GPR39: variants seen among roughly 807,000 people sequenced by gnomAD.
The protein encoded by GPR39 is zinc sensing receptor.
A neutral mutation model predicts 18.4 loss-of-function variants in GPR39; 23 were observed. That is an observed-to-expected ratio of 1.25 (90% CI 0.90 to 1.77). The LOEUF (loss-of-function observed/expected upper bound fraction) is 1.77. Among genes scored for constraint, GPR39 ranks in the 40% most tolerant of loss-of-function variants. The pLI, the probability that GPR39 is intolerant of heterozygous loss-of-function variation, is 0.00. For missense variants in GPR39, 647 were observed against 602.4 expected, an observed-to-expected ratio of 1.07 and a Z score of -0.78; for synonymous variants, 280 against 257.9, an observed-to-expected ratio of 1.09 and a Z score of -0.82.
intron 1 of GPR39, among the ~76,000 whole-genome samples, chr2:132,475,149 C>T (rs545651310): frequency 4.8e-4 from 73 of 152,202 alleles, no homozygotes; most frequent in African/African-American, 1.7e-3. Context: ...CTAATTGAAT[C>T]CCAAGTCTCA....
Position 132,645,724 on chromosome 2 carries a change from T to C in GPR39, c.*118T>C. On this transcript the variant is annotated 3_prime_UTR_variant, in exon 2 of 2. Transcript: ENST00000329321. ...GGGATGGAATGGACACTGGAGGCTT[T>C]ACAAAAGGCAGATGCCCACCTCAGT... is the stretch of plus-strand genomic sequence containing the variant. 7.2e-7 allele frequency: 1 copy of C among 1,389,500 alleles called. No individual in the cohort carries two copies. Among genetic ancestry groups the C allele is most frequent in the Non-Finnish European group, 9.7e-7 (1 of 1,035,922 alleles). The allele number at this position is 1,389,500 out of a possible 1,614,324, so 86.1% of individuals were successfully genotyped here.
At chr2:132,530,753 A>G (rs1679604066) in intron 1 of GPR39, among the ~76,000 whole-genome samples, 1 of 152,206 alleles carries the variant, frequency 6.6e-6, no homozygotes, top group African/African-American at 2.4e-5. Flanking sequence ...CAGCCAAACT[A>G]AGCTTCATAA....
chr2:132,513,153 A>G (rs1679269668), intron 1 of GPR39, among the ~76,000 whole-genome samples: 1 of 152,196 alleles, frequency 6.6e-6, no homozygotes, highest in Non-Finnish European at 1.5e-5. Context: ...GATGTGTCCC[A>G]GGAGTGACCA....
intron 1 of GPR39, among the ~76,000 whole-genome samples, chr2:132,519,888 C>T (rs1489136033): frequency 1.3e-5 from 2 of 152,156 alleles, no homozygotes; most frequent in Non-Finnish European, 2.9e-5. Flanking sequence ...CAAGTTCATC[C>T]TCTACCCAGC....
At chr2:132,481,393 T>G (rs1395128716) in intron 1 of GPR39, among the ~76,000 whole-genome samples, 1 of 152,198 alleles carries the variant, frequency 6.6e-6, no homozygotes, top group African/African-American at 2.4e-5. Flanking sequence ...CATGGATTGG[T>G]CTACAAAGAT....
chr2:132,628,486 C>T (rs1681591498), intron 1 of GPR39, among the ~76,000 whole-genome samples: 1 of 152,200 alleles, frequency 6.6e-6, no homozygotes, highest in Non-Finnish European at 1.5e-5. Flanking sequence ...AGCAGGCAGC[C>T]TCTCCAGAAA....
At chr2:132,478,789 T>C (rs1389152446) in intron 1 of GPR39, among the ~76,000 whole-genome samples, 2 of 152,226 alleles carry the variant, frequency 1.3e-5, no homozygotes, top group African/African-American at 4.8e-5. Flanking sequence ...CCATCAAATG[T>C]TGTTTCAGAA....
chr2:132,563,081 C>T (rs577001857), intron 1 of GPR39, among the ~76,000 whole-genome samples: 28 of 152,170 alleles, frequency 1.8e-4, no homozygotes, highest in Non-Finnish European at 3.5e-4. Flanking sequence ...ACATTAAGTG[C>T]CCATGTCCAC....
At chr2:132,472,728 TA>T (rs1241324049) in intron 1 of GPR39, among the ~76,000 whole-genome samples, 1 of 152,152 alleles carries the variant, frequency 6.6e-6, no homozygotes, top group Admixed American at 6.5e-5. Context: ...GTACCAAATA[TA>T]CCACTTTAAT....
intron 1 of GPR39, among the ~76,000 whole-genome samples, chr2:132,441,828 GA>G: frequency 6.6e-6 from 1 of 152,334 alleles, no homozygotes; most frequent in Admixed American, 6.5e-5. Context: ...TTATATGACT[GA>G]AAGTCACAAA....
intron 1 of GPR39, among the ~76,000 whole-genome samples, chr2:132,602,113 A>T (rs1681052646): frequency 1.3e-5 from 2 of 152,058 alleles, no homozygotes; most frequent in Non-Finnish European, 2.9e-5. Context: ...ATAACAGAGC[A>T]GGGAGCATCA....
At chr2:132,594,425 G>A (rs1184294309) in intron 1 of GPR39, among the ~76,000 whole-genome samples, 2 of 151,982 alleles carry the variant, frequency 1.3e-5, no homozygotes, top group Non-Finnish European at 2.9e-5. Flanking sequence ...ATGCAGGGAT[G>A]TTAAAGGATC....
At chr2:132,446,190 A>G (rs1311026538) in intron 1 of GPR39, among the ~76,000 whole-genome samples, 1 of 152,220 alleles carries the variant, frequency 6.6e-6, no homozygotes, top group Admixed American at 6.5e-5. Flanking sequence ...TTGAGACTCT[A>G]TACTGAGTGC....
rs1681590651 is a variant in GPR39, at chr2:132,494,066, G to A, written c.856+76168G>A. On this transcript the variant is annotated intron_variant, in intron 1 of 1. Coordinates refer to ENST00000329321, the MANE Select transcript of GPR39 (RefSeq NM_001508.3). ...GCAGAAGGCAGGTTATGGGGGATGA[G>A]GAGCAGCTAGGACGTGAGGGAGTAG... Among the ~76,000 whole-genome samples the A allele has an allele frequency of 2.0e-5, 3 of 152,108 alleles. No individual in the cohort carries two copies. In the South Asian group the frequency reaches 6.2e-4, roughly 31 times the overall value.
Position 132,533,441 on chromosome 2 carries a change from A to G in GPR39, c.857-111660A>G, listed in dbSNP as rs1290503422. Among the ~76,000 whole-genome samples, 3 of 135,060 alleles carry G rather than the reference A, an allele frequency of 2.2e-5. 1 individual carries two copies. The highest frequency in any genetic ancestry group is 7.7e-5 in the African/African-American group (3 of 39,108). 88.6% of individuals were successfully genotyped at this position (135,060 alleles called of 152,430 possible). On this transcript the variant is annotated intron_variant, in intron 1 of 1. Coordinates refer to ENST00000329321, the MANE Select transcript of GPR39 (RefSeq NM_001508.3). ...CTGCCCCAGGTAATTTATAGATTCA[A>G]TGTCATCCCCATCAAGCTACCAATG...
intron 1 of GPR39, among the ~76,000 whole-genome samples, chr2:132,615,543 G>GA (rs1350479692): frequency 6.6e-6 from 1 of 152,138 alleles, no homozygotes; most frequent in Non-Finnish European, 1.5e-5. Context: ...GCTGACTTGA[G>GA]AACCACAGGG....
In GPR39 at chr2:132,454,111, G is replaced by A. The variant is rs1298830763; in HGVS notation, c.856+36213G>A. Among the ~76,000 whole-genome samples the A allele has an allele frequency of 3.9e-5, 6 of 152,278 alleles. No homozygotes were observed. In the East Asian group the frequency reaches 9.6e-4, roughly 24 times the overall value. Reference sequence around the variant, plus strand: ...CATGATATTGATTCTTCCTATCCATGATCATGGAATGTTCTTCCATTTGTT... The same window carrying A: ...CATGATATTGATTCTTCCTATCCATAATCATGGAATGTTCTTCCATTTGTT... On this transcript the variant is annotated intron_variant, in intron 1 of 1. Transcript: ENST00000329321.
intron 1 of GPR39, among the ~76,000 whole-genome samples, chr2:132,465,807 T>G (rs571340041): frequency 3.1e-4 from 47 of 152,320 alleles, no homozygotes; most frequent in African/African-American, 9.4e-4. Context: ...ACCTCTCTGA[T>G]CCTTAACATC....
intron 1 of GPR39, among the ~76,000 whole-genome samples, chr2:132,492,251 A>G (rs1472399165): frequency 7.0e-6 from 1 of 143,574 alleles, no homozygotes; most frequent in Non-Finnish European, 1.5e-5. Flanking sequence ...TACATACCAT[A>G]TATACACCAT....
Sources: gnomAD v4.1 joint callset for allele counts (sites outside exome capture counted in the v4.1 genomes callset) on GRCh38, gnomAD v4.1.1 for gene constraint, MANE v1.5 for transcripts, NCBI Gene and HGNC (gene_info 2026-07-23, HGNC 2026-07-21) for gene names.